PCDH11X: variants seen among roughly 807,000 people sequenced by gnomAD.
PCDH11X encodes the protein protocadherin-11 X-linked.
In PCDH11X, 18 loss-of-function variants were observed where a neutral mutation model predicts 53.3. The observed-to-expected ratio is 0.34, with a 90% CI of 0.23 to 0.50. The LOEUF (loss-of-function observed/expected upper bound fraction) is 0.50, where lower values mean the gene tolerates loss of function less well. Ranked by LOEUF, PCDH11X falls within the 20% of genes least tolerant of loss-of-function variation. PCDH11X has a pLI of 0.98. For synonymous variants in PCDH11X, 279 were observed against 393.3 expected, an observed-to-expected ratio of 0.71 and a Z score of 3.44; for missense variants, 570 against 1,032.4, an observed-to-expected ratio of 0.55 and a Z score of 6.14.
In PCDH11X at chrX:92,618,600, C is replaced by T. The variant is rs1335715878; in HGVS notation, c.3704C>T (p.Pro1235Leu). 1.7e-6 allele frequency: 2 copies of T among 1,211,978 alleles called. No individual in the cohort carries two copies. The highest frequency in any genetic ancestry group is 4.3e-5 in the Admixed American group (2 of 46,066). The change falls in exon 11 of 11, where the codon CCA (proline) becomes CTA (leucine). Residue 1235 changes from proline (P) to leucine (L), a missense_variant. Physicochemically the swap from Pro to Leu is moderately conservative, Grantham distance 98. Around this residue, in one of 6 missense-constraint regions of PCDH11X, gnomAD observed 234 missense variants for 296.1 expected, o/e 0.79. Transcript: ENST00000682573. ...CAGGCTACTGCACTTCACCACAGCC[C>T]ACCATCAGCACAGGCCTCAGCCCTC... ...LVQATALHHS[P>L]PSAQASALCY...
At chrX:91,875,643 G>A (rs1602406595) in intron 5 of PCDH11X, among the ~76,000 whole-genome samples, 1 of 109,537 alleles carries the variant, frequency 9.1e-6, no homozygotes, top group African/African-American at 3.3e-5. Context: ...GGCATGAATT[G>A]AAAATAGGTC....
chrX:92,541,386 A>G (rs138114052), intron 10 of PCDH11X, among the ~76,000 whole-genome samples: 1,485 of 110,936 alleles, frequency 0.013, 16 homozygotes, highest in Non-Finnish European at 0.02. Context: ...CCCCAAGTGC[A>G]CAAACTCTCT....
chrX:92,383,790 G>A (rs12394569), intron 8 of PCDH11X, among the ~76,000 whole-genome samples: 5 of 111,762 alleles, frequency 4.5e-5, no homozygotes, highest in Non-Finnish European at 7.5e-5. Flanking sequence ...AAACATACAC[G>A]TGCATGAGTC....
intron 7 of PCDH11X, among the ~76,000 whole-genome samples, chrX:92,260,157 A>T (rs1268673212): frequency 9.0e-6 from 1 of 110,721 alleles, no homozygotes; most frequent in Non-Finnish European, 1.9e-5. Flanking sequence ...ATTCAGCACT[A>T]GGACTCACCT....
intron 9 of PCDH11X, among the ~76,000 whole-genome samples, chrX:92,409,833 T>G (rs779677827): frequency 1.8e-5 from 2 of 111,994 alleles, no homozygotes; most frequent in East Asian, 5.6e-4. Context: ...CTGTTTCAAT[T>G]AGTGGACTCT....
At chrX:92,346,088 G>C (rs1603280948) in intron 8 of PCDH11X, among the ~76,000 whole-genome samples, 2 of 110,406 alleles carry the variant, frequency 1.8e-5, no homozygotes, top group African/African-American at 3.3e-5. Context: ...ATATAGATGG[G>C]ACGCTTGCAT....
chrX:92,287,977 C>T, intron 8 of PCDH11X: 1 of 515,436 alleles, frequency 1.9e-6, no homozygotes, highest in Non-Finnish European at 3.5e-6. Flanking sequence ...ACTGTGCTTA[C>T]TTCCTCTTCC....
intron 9 of PCDH11X, among the ~76,000 whole-genome samples, chrX:92,452,463 GTATA>G (rs763381982): frequency 0.18 from 7,928 of 44,577 alleles, 727 homozygotes; most frequent in Non-Finnish European, 0.22. Flanking sequence ...GTGTGTGTGT[GTATA>G]TATATATATA....
chrX:92,456,667 A>G (rs1455245220), intron 9 of PCDH11X, among the ~76,000 whole-genome samples: 1 of 111,537 alleles, frequency 9.0e-6, no homozygotes, highest in Admixed American at 9.6e-5. Flanking sequence ...GCAGTGAGTT[A>G]ATCTGTCAGA....
At chrX:91,883,289 C>T in intron 6 of PCDH11X, 1 of 744,283 alleles carries the variant, frequency 1.3e-6, no homozygotes, top group East Asian at 1.4e-4. Context: ...CATGCAATTA[C>T]TTGCCCTGTC....
intron 6 of PCDH11X, among the ~76,000 whole-genome samples, chrX:91,972,567 T>A (rs2061979070): frequency 9.2e-6 from 1 of 109,076 alleles, no homozygotes; most frequent in Non-Finnish European, 1.9e-5. Context: ...TCTTCTAGGG[T>A]TTTTATGGTT....
At chrX:91,883,546 C>T in intron 6 of PCDH11X, 1 of 744,627 alleles carries the variant, frequency 1.3e-6, no homozygotes, top group South Asian at 6.8e-5. Flanking sequence ...TGGCTCACGC[C>T]TGTAATCCCA....
intron 4 of PCDH11X, among the ~76,000 whole-genome samples, chrX:91,826,078 T>C (rs1296874437): frequency 2.7e-5 from 3 of 111,244 alleles, no homozygotes; most frequent in African/African-American, 9.9e-5. Context: ...CAAGGTTATT[T>C]TGAATGCCCA....
chrX:92,533,810 C>T (rs2074605146), intron 10 of PCDH11X, among the ~76,000 whole-genome samples: 2 of 104,141 alleles, frequency 1.9e-5, no homozygotes, highest in African/African-American at 3.6e-5. Context: ...GCTGAGGGTC[C>T]TGACTGTTAG....
intron 6 of PCDH11X, among the ~76,000 whole-genome samples, chrX:92,105,445 G>A (rs1395308701): frequency 7.3e-5 from 8 of 110,159 alleles, no homozygotes; most frequent in African/African-American, 1.7e-4. Context: ...TTTCATGCGC[G>A]TCCGTGTGAA....
intron 6 of PCDH11X, among the ~76,000 whole-genome samples, chrX:92,180,212 A>G (rs1439931507): frequency 9.0e-6 from 1 of 110,847 alleles, no homozygotes; most frequent in Non-Finnish European, 1.9e-5. Flanking sequence ...TAACAACAGA[A>G]TCTTGTGAGA....
At chrX:92,151,732 A>G (rs1276032676) in intron 6 of PCDH11X, among the ~76,000 whole-genome samples, 3 of 111,419 alleles carry the variant, frequency 2.7e-5, no homozygotes, top group African/African-American at 9.8e-5. Context: ...ATGTTTGTAG[A>G]TATGACCAAA....
chrX:92,361,572 T>C (rs1231863308), intron 8 of PCDH11X, among the ~76,000 whole-genome samples: 1 of 111,507 alleles, frequency 9.0e-6, no homozygotes, highest in African/African-American at 3.3e-5. Context: ...CATTAGATTT[T>C]TTTTTACTAT....
Position 92,227,328 on chromosome X carries a change from A to T in PCDH11X, c.3114+25873A>T, listed in dbSNP as rs191754643. On this transcript the variant is annotated intron_variant, in intron 7 of 10. Transcript: ENST00000682573. ...TCCTGGCATTGCTTAGTGTTTCAAG[A>T]TCTATAAACTTAACGCAAATTTCAG... Among the ~76,000 whole-genome samples the T allele has an allele frequency of 2.4e-3, 267 of 110,714 alleles. 1 individual carries two copies. Among genetic ancestry groups the T allele is most frequent in the Middle Eastern group, 9.2e-3 (2 of 218 alleles).
Sources: allele counts gnomAD v4.1 joint callset (sites outside exome capture counted in the v4.1 genomes callset), GRCh38; gene constraint gnomAD v4.1.1; regional missense constraint gnomAD v4.1.1; transcripts MANE v1.5; gene names NCBI Gene and HGNC (gene_info 2026-07-23, HGNC 2026-07-21).